The following DLGAP1 variants were observed in gnomAD, a reference collection of about 807,000 sequenced individuals.
The protein encoded by DLGAP1 is DLG associated protein 1.
Under a neutral mutation model 90.8 loss-of-function variants are expected in DLGAP1, and 11 were observed. The ratio of observed to expected loss-of-function variants is 0.12; its 90% CI spans 0.08 to 0.20. The LOEUF (loss-of-function observed/expected upper bound fraction) is 0.20, where lower values mean the gene tolerates loss of function less well. DLGAP1 is among the 10% of genes least tolerant of loss of function. The pLI is 1.00. For synonymous variants in DLGAP1, 558 were observed against 540.7 expected (o/e 1.03, Z -0.44); for missense variants, 1,050 against 1,333.8 (o/e 0.79, Z 3.31).
intron 1 of DLGAP1, among the ~76,000 whole-genome samples, chr18:4,197,476 G>A (rs190265380): frequency 2.6e-5 from 4 of 152,214 alleles, no homozygotes; most frequent in Admixed American, 1.3e-4. Context: ...GGGGAGTGAC[G>A]ATCAAGTCTG....
At chr18:3,874,717 C>G (rs1305953345) in intron 4 of DLGAP1, 1 of 1,533,098 alleles carries the variant, frequency 6.5e-7, no homozygotes, top group East Asian at 2.4e-5. Context: ...GTTCCTGCTC[C>G]CAACCCTAAT....
rs1306554455 is a variant in DLGAP1, at chr18:4,437,943, GCTT to G, written c.-267+17060_-267+17062del. Among the ~76,000 whole-genome samples the G allele has an allele frequency of 1.1e-4, 16 of 152,260 alleles. No individual in the cohort carries two copies. In the East Asian group the frequency reaches 2.9e-3, roughly 28 times the overall value. On this transcript the variant is annotated intron_variant, in intron 1 of 12. Coordinates refer to ENST00000315677, the MANE Select transcript of DLGAP1 (RefSeq NM_004746.4). ...TTATGTGAAACTGGCATTTCTACTT[GCTT>G]CTTATAATCTCTGAATTGTCCACTT... is the stretch of plus-strand genomic sequence containing the variant.
At chr18:3,548,813 G>C (rs2053210720) in intron 9 of DLGAP1, among the ~76,000 whole-genome samples, 1 of 152,142 alleles carries the variant, frequency 6.6e-6, no homozygotes, top group South Asian at 2.1e-4. Context: ...GAGACAGGTG[G>C]ATTGCTTGAG....
At chr18:4,334,976 C>T (rs79743982) in intron 1 of DLGAP1, among the ~76,000 whole-genome samples, 3,529 of 151,968 alleles carry the variant, frequency 0.023, 64 homozygotes, top group Admixed American at 0.041. Flanking sequence ...ATTGTTAACA[C>T]TGAATGTGAA....
intron 1 of DLGAP1, among the ~76,000 whole-genome samples, chr18:4,322,484 T>C (rs9949337): frequency 0.027 from 4,060 of 152,128 alleles, 182 homozygotes; most frequent in African/African-American, 0.091. Flanking sequence ...AAACCATATA[T>C]AAAAATAAAC....
At chr18:4,171,580 A>G (rs2077027025) in intron 1 of DLGAP1, among the ~76,000 whole-genome samples, 2 of 151,992 alleles carry the variant, frequency 1.3e-5, no homozygotes, top group East Asian at 1.9e-4. Context: ...AAAAAAAAGA[A>G]AAAAAAGAAA....
chr18:3,804,540 G>C (rs533357673), intron 5 of DLGAP1, among the ~76,000 whole-genome samples: 2 of 152,330 alleles, frequency 1.3e-5, no homozygotes, highest in East Asian at 3.9e-4. Context: ...AGGTGGGCTG[G>C]CAATGCAAAG....
intron 5 of DLGAP1, among the ~76,000 whole-genome samples, chr18:3,766,499 C>T (rs2064249482): frequency 6.6e-6 from 1 of 152,072 alleles, no homozygotes; most frequent in Non-Finnish European, 1.5e-5. Flanking sequence ...AGAGAACACT[C>T]TACCCAAGAA....
intron 5 of DLGAP1, among the ~76,000 whole-genome samples, chr18:3,803,012 G>T (rs1049753279): frequency 1.3e-5 from 2 of 152,166 alleles, no homozygotes; most frequent in African/African-American, 4.8e-5. Flanking sequence ...TAATGCCATT[G>T]GTAAAGTGGT....
chr18:4,357,302 T>C (rs2081542249), intron 1 of DLGAP1, among the ~76,000 whole-genome samples: 1 of 151,774 alleles, frequency 6.6e-6, no homozygotes. Context: ...GATAGGTGTG[T>C]GCCACCACGC....
chr18:3,747,184 A>G (rs1035833309), intron 5 of DLGAP1, among the ~76,000 whole-genome samples: 1 of 152,118 alleles, frequency 6.6e-6, no homozygotes, highest in Non-Finnish European at 1.5e-5. Context: ...CCCTGTCTGT[A>G]TTTTTTAATA....
chr18:4,135,188 T>C lies in DLGAP1; in HGVS notation c.-159+15992A>G, dbSNP rs371793105. On this transcript the variant is annotated intron_variant, in intron 2 of 12. Coordinates refer to ENST00000315677, the MANE Select transcript of DLGAP1 (RefSeq NM_004746.4). ...CAGGTAAGGGGTGAAGGAGATTTCATAGATGACTCCCAGGTTCCTAACTTA... is the reference window on the plus strand; with the variant it reads ...CAGGTAAGGGGTGAAGGAGATTTCACAGATGACTCCCAGGTTCCTAACTTA... Among the ~76,000 whole-genome samples the C allele has an allele frequency of 1.1e-4, 17 of 152,232 alleles. No individual in the cohort carries two copies. In the East Asian group the frequency reaches 2.7e-3, roughly 24 times the overall value.
At chr18:3,637,239 T>C (rs999767273) in intron 7 of DLGAP1, among the ~76,000 whole-genome samples, 1 of 151,990 alleles carries the variant, frequency 6.6e-6, no homozygotes, top group African/African-American at 2.4e-5. Flanking sequence ...GGGCAAAGGC[T>C]GATCAAGGAA....
At position 3,497,911 on chromosome 18, in the gene DLGAP1, C is replaced by T. The variant is rs938521581; in HGVS notation, c.*1274G>A. On this transcript the variant is annotated 3_prime_UTR_variant, in exon 13 of 13. Coordinates refer to ENST00000315677, the MANE Select transcript of DLGAP1 (RefSeq NM_004746.4). ...GAGTTTCTTCTCTCACTACCTGGAA[C>T]CTCAAGATGACAGCGGCAGCTCTTT... is the stretch of plus-strand genomic sequence containing the variant. The T allele has an allele frequency of 1.3e-5, 2 of 152,202 alleles. No homozygotes were observed. Among genetic ancestry groups the T allele is most frequent in the African/African-American group, 4.8e-5 (2 of 41,444 alleles). The allele number at this position is 152,202 out of a possible 1,614,324, so 9.4% of individuals were successfully genotyped here.
At chr18:4,337,378 A>G (rs1040409575) in intron 1 of DLGAP1, among the ~76,000 whole-genome samples, 2 of 151,794 alleles carry the variant, frequency 1.3e-5, no homozygotes, top group African/African-American at 4.8e-5. Context: ...TACTTTTTGT[A>G]GCGACGGGGT....
rs1555688608 is a variant in DLGAP1 at position 3,583,184 on chromosome 18, A to ACCTACCTTCCTT, written c.1592-937_1592-936insAAGGAAGGTAGG. ...TACCTACCTACCTACCTACCTACCT[A>ACCTACCTTCCTT]CCTTCCTTCCTTCCTTCCTTCCTTC... On this transcript the variant is annotated intron_variant, in intron 7 of 12. Coordinates refer to ENST00000315677, the MANE Select transcript of DLGAP1 (RefSeq NM_004746.4). Among the ~76,000 whole-genome samples the ACCTACCTTCCTT allele has an allele frequency of 7.2e-4, 92 of 127,822 alleles. 2 individuals are homozygous for ACCTACCTTCCTT. Among genetic ancestry groups the ACCTACCTTCCTT allele is most frequent in the Middle Eastern group, 7.8e-3 (2 of 258 alleles). 83.9% of individuals were successfully genotyped at this position (127,822 alleles called of 152,430 possible).
chr18:4,149,537 G>C (rs1437260664), intron 2 of DLGAP1, among the ~76,000 whole-genome samples: 3 of 152,166 alleles, frequency 2.0e-5, no homozygotes, highest in Admixed American at 1.3e-4. Flanking sequence ...CCTTTGCAGG[G>C]ATCCCTAACC....
chr18:3,760,260 T>G (rs1325213827), intron 5 of DLGAP1, among the ~76,000 whole-genome samples: 1 of 151,594 alleles, frequency 6.6e-6, no homozygotes, highest in African/African-American at 2.4e-5. Flanking sequence ...CTGGAGAAAA[T>G]CAGGGAACTG....
chr18:4,259,262 G>A (rs778041839), intron 1 of DLGAP1, among the ~76,000 whole-genome samples: 7 of 152,136 alleles, frequency 4.6e-5, no homozygotes, highest in African/African-American at 9.7e-5. Context: ...AGAAAGCCCC[G>A]GTGTCAGTAA....
Sources: gnomAD v4.1 joint callset for allele counts (sites outside exome capture counted in the v4.1 genomes callset) on GRCh38, gnomAD v4.1.1 for gene constraint, MANE v1.5 for transcripts, NCBI Gene and HGNC (gene_info 2026-07-23, HGNC 2026-07-21) for gene names.